ANKMY1: variants seen among roughly 807,000 people sequenced by gnomAD.
ANKMY1 encodes the protein ankyrin repeat and MYND domain containing 1.
ANKMY1 carries 98 observed loss-of-function variants against 102.0 expected under a neutral mutation model. That is an observed-to-expected ratio of 0.96 (90% CI 0.82 to 1.14). The LOEUF is 1.14. Ranked by LOEUF, ANKMY1 falls within the 50% of genes most tolerant of loss-of-function variation. The pLI is 0.00. For synonymous variants in ANKMY1, 582 were observed against 559.9 expected (o/e 1.04, Z -0.56); for missense variants, 1,330 against 1,347.6 (o/e 0.99, Z 0.20).
At chr2:240,553,168 C>T (rs1305329562) in intron 3 of ANKMY1, 111 bp from the exon 4 acceptor site, 2 of 1,305,234 alleles carry the variant, frequency 1.5e-6, no homozygotes, top group Non-Finnish European at 2.1e-6. Flanking sequence ...CCACCCAGGG[C>T]TGTGGCAGAA....
chr2:240,560,390 G>A (rs745629630), upstream of ANKMY1: 1 of 276,668 alleles, frequency 3.6e-6, no homozygotes, highest in Admixed American at 5.4e-5. Context: ...GGCCGCGGGG[G>A]CGGGGAGGAC....
chr2:240,554,975 A>T lies in ANKMY1; in HGVS notation c.227T>A (p.Ile76Asn). Residue 76 changes from isoleucine to asparagine, a missense_variant, in exon 3 of 18, where the codon ATC becomes AAC. Transcript: ENST00000401804. Reference protein sequence around the residue: ...LRAQDLRESYIQLVQGVQEWQ... With the variant: ...LRAQDLRESYNQLVQGVQEWQ... ...CTCCTGCACACCCTGGACGAGCTGG[A>T]TGTAGGACTCCCTCAGGTCCTGCGC... is the stretch of plus-strand genomic sequence containing the variant. The T allele has an allele frequency of 6.2e-7, 1 of 1,614,168 alleles. No individual in the cohort carries two copies. The highest frequency in any genetic ancestry group is 8.5e-7 in the Non-Finnish European group (1 of 1,180,008).
intron 9 of ANKMY1, among the ~76,000 whole-genome samples, chr2:240,517,532 G>A (rs934346109): frequency 7.9e-5 from 12 of 152,178 alleles, no homozygotes; most frequent in Non-Finnish European, 1.5e-4. Flanking sequence ...ACTCTTGGCC[G>A]GGCACAGTGG....
intron 4 of ANKMY1, chr2:240,532,258 G>A (rs549305693): frequency 6.0e-6 from 2 of 335,596 alleles, no homozygotes; most frequent in Non-Finnish European, 1.2e-5. Flanking sequence ...GGAAACAATG[G>A]AGTAGAATCT....
intron 10 of ANKMY1, among the ~76,000 whole-genome samples, chr2:240,512,231 G>A (rs1406884627): frequency 6.6e-6 from 1 of 152,192 alleles, no homozygotes. Context: ...CCCCTCCCAC[G>A]TCCCCCACGC....
chr2:240,505,040 G>C (rs1161387181), intron 13 of ANKMY1, among the ~76,000 whole-genome samples: 1 of 136,936 alleles, frequency 7.3e-6, no homozygotes, highest in Admixed American at 7.4e-5. Context: ...CATTAGGATG[G>C]CTACTATCAA....
At chr2:240,555,639 G>A (rs963465931) in intron 2 of ANKMY1, 3 of 154,530 alleles carry the variant, frequency 1.9e-5, no homozygotes, top group Admixed American at 6.3e-5. Context: ...CTCATAGGGC[G>A]TCCACAGACA....
intron 15 of ANKMY1, among the ~76,000 whole-genome samples, chr2:240,497,840 G>A (rs1038426305): frequency 5.9e-5 from 9 of 152,156 alleles, no homozygotes; most frequent in Non-Finnish European, 1.2e-4. Flanking sequence ...GCTGGGGGTC[G>A]GGACAATGGG....
intron 4 of ANKMY1, among the ~76,000 whole-genome samples, chr2:240,530,136 AAG>A (rs1170402391): frequency 1.3e-5 from 2 of 152,330 alleles, no homozygotes; most frequent in Middle Eastern, 3.4e-3. Context: ...GCCACAGTGC[AAG>A]AGAGGAAGAA....
At chr2:240,477,741 T>A (rs1295637359), downstream of ANKMY1, among the ~76,000 whole-genome samples, 10 of 152,182 alleles carry the variant, frequency 6.6e-5, no homozygotes, top group Non-Finnish European at 1.5e-4. Context: ...GTATATTGCA[T>A]ATATAATAAA....
intron 4 of ANKMY1, among the ~76,000 whole-genome samples, chr2:240,534,890 C>A (rs2086353148): frequency 1.3e-5 from 2 of 152,158 alleles, no homozygotes; most frequent in South Asian, 4.2e-4. Flanking sequence ...ATCACTTGAG[C>A]CCAGGAGTTC....
chr2:240,527,647 C>A (rs77513682), intron 5 of ANKMY1: 1 of 18,566 alleles, frequency 5.4e-5, no homozygotes, highest in Non-Finnish European at 1.3e-4. Context: ...AATGACTGGA[C>A]GGGTGGGTGG....
chr2:240,542,488 A>C (rs1474977439), intron 4 of ANKMY1, among the ~76,000 whole-genome samples: 2 of 151,222 alleles, frequency 1.3e-5, no homozygotes, highest in Non-Finnish European at 2.9e-5. Flanking sequence ...TGGGCAACAG[A>C]CCGAGACTCC....
intron 8 of ANKMY1, chr2:240,523,683 C>A (rs1176547168): frequency 2.1e-5 from 18 of 870,852 alleles, no homozygotes; most frequent in Non-Finnish European, 2.9e-5. Context: ...TGGGGTGGCA[C>A]TGAAAACAGC....
chr2:240,509,671 A>G (rs2079757488), intron 11 of ANKMY1, among the ~76,000 whole-genome samples: 1 of 152,188 alleles, frequency 6.6e-6, no homozygotes, highest in South Asian at 2.1e-4. Context: ...AATGGAGAAG[A>G]TATTTTCTAA....
intron 4 of ANKMY1, among the ~76,000 whole-genome samples, chr2:240,544,434 T>G (rs1055253559): frequency 6.6e-6 from 1 of 152,206 alleles, no homozygotes; most frequent in African/African-American, 2.4e-5. Context: ...TAAAACCTGA[T>G]AGAACATTGG....
At chr2:240,482,810 A>T (rs1359534908) in intron 15 of ANKMY1, among the ~76,000 whole-genome samples, 1 of 152,240 alleles carries the variant, frequency 6.6e-6, no homozygotes, top group African/African-American at 2.4e-5. Flanking sequence ...GGTAGGTCTA[A>T]TAGGCTTGTA....
chr2:240,475,370 ATCTG>A (rs2074785476), downstream of ANKMY1, among the ~76,000 whole-genome samples: 2 of 152,078 alleles, frequency 1.3e-5, no homozygotes. Context: ...ACAATGAACT[ATCTG>A]AAAAGGAAAT....
At chr2:240,487,462 T>C (rs2076179490) in intron 15 of ANKMY1, among the ~76,000 whole-genome samples, 3 of 152,254 alleles carry the variant, frequency 2.0e-5, no homozygotes, top group African/African-American at 7.2e-5. Context: ...CAGATACTCC[T>C]TTGATATACT....
Sources: gnomAD v4.1 joint callset for allele counts (sites outside exome capture counted in the v4.1 genomes callset) on GRCh38, gnomAD v4.1.1 for gene constraint, MANE v1.5 for transcripts, NCBI Gene and HGNC (gene_info 2026-07-23, HGNC 2026-07-21) for gene names.